Variants in TTC39B observed in about 807,000 individuals in gnomAD.
The protein encoded by TTC39B is tetratricopeptide repeat protein 39B.
TTC39B carries 92 observed loss-of-function variants against 96.6 expected under a neutral mutation model. The observed-to-expected ratio is 0.95, with a 90% CI of 0.80 to 1.13. TTC39B has a LOEUF of 1.13. TTC39B is among the 50% of genes most tolerant of loss of function. TTC39B has a pLI of 0.00. For missense variants in TTC39B, 955 were observed against 809.3 expected (o/e 1.18, Z -2.18); for synonymous variants, 367 against 299.4 (o/e 1.23, Z -2.33).
At chr9:15,193,700 C>A (rs1379598717) in intron 8 of TTC39B, among the ~76,000 whole-genome samples, 2 of 152,160 alleles carry the variant, frequency 1.3e-5, no homozygotes, top group Non-Finnish European at 2.9e-5. Flanking sequence ...CTTCTGATTT[C>A]TGATTTTATG....
exon 13 of TTC39B, chr9:15,189,628 T>C: frequency 6.2e-7 from 1 of 1,614,008 alleles, no homozygotes; most frequent in Non-Finnish European, 8.5e-7. Flanking sequence ...ACAACACGAG[T>C]GAGCCCTGCA....
chr9:15,260,012 T>TCC (rs1405193180), intron 2 of TTC39B, among the ~76,000 whole-genome samples: 7 of 152,180 alleles, frequency 4.6e-5, no homozygotes, highest in Non-Finnish European at 1.0e-4. Flanking sequence ...AGTTAGATTG[T>TCC]GGTGATGGCT....
intron 1 of TTC39B, among the ~76,000 whole-genome samples, chr9:15,273,451 T>C (rs1160596739): frequency 6.6e-6 from 1 of 151,996 alleles, no homozygotes; most frequent in Non-Finnish European, 1.5e-5. Flanking sequence ...TAGAACTCCG[T>C]TCCTCCCTCC....
chr9:15,206,230 T>C (rs993085678), intron 6 of TTC39B, among the ~76,000 whole-genome samples: 1 of 151,914 alleles, frequency 6.6e-6, no homozygotes, highest in African/African-American at 2.4e-5. Context: ...TGAAACCCAT[T>C]TGGGGCAATC....
At chr9:15,232,367 G>A (rs1002209925) in intron 2 of TTC39B, 1 of 152,454 alleles carries the variant, frequency 6.6e-6, no homozygotes, top group East Asian at 1.9e-4. Flanking sequence ...AACGGGAGGT[G>A]GGGGGGACGC....
At chr9:15,190,748 G>C in intron 10 of TTC39B, 86 bp from the exon 11 acceptor site, 1 of 1,058,338 alleles carries the variant, frequency 9.4e-7, no homozygotes, top group Non-Finnish European at 1.4e-6. Flanking sequence ...ATATATTAGG[G>C]GGGTTACAAG....
exon 20 of TTC39B, chr9:15,171,375 C>T (rs1160619580): frequency 6.6e-6 from 1 of 152,022 alleles, no homozygotes; most frequent in Non-Finnish European, 1.5e-5. Context: ...GACTTAAGTA[C>T]ATTCAAAATC....
At chr9:15,249,004 G>C (rs2131498555) in intron 2 of TTC39B, 1 of 152,168 alleles carries the variant, frequency 6.6e-6, no homozygotes, top group Middle Eastern at 3.4e-3. Flanking sequence ...GTAATTTTAA[G>C]ATAAAGGAAC....
chr9:15,163,763 G>C (rs1490886376), exon 20 of TTC39B: 1 of 152,146 alleles, frequency 6.6e-6, no homozygotes, highest in Non-Finnish European at 1.5e-5. Context: ...TGATACTACG[G>C]AATGAAAAAT....
At chr9:15,174,916 G>T (rs1817847102) in intron 19 of TTC39B, 103 bp downstream of exon 19, 1 of 753,376 alleles carries the variant, frequency 1.3e-6, no homozygotes, top group South Asian at 1.6e-5. Context: ...TTACTAATTT[G>T]ACATTGTTAA....
intron 16 of TTC39B, among the ~76,000 whole-genome samples, chr9:15,184,139 G>C (rs761387767): frequency 1.3e-5 from 2 of 152,116 alleles, no homozygotes; most frequent in African/African-American, 2.4e-5. Flanking sequence ...CACATGAAAA[G>C]ATGCTCCACC....
intron 6 of TTC39B, among the ~76,000 whole-genome samples, chr9:15,208,816 T>C (rs139811551): frequency 5.1e-4 from 77 of 152,272 alleles, no homozygotes; most frequent in African/African-American, 1.6e-3. Flanking sequence ...CTATAATCAA[T>C]ACTCTAGCTT....
In TTC39B at chr9:15,263,590, C is replaced by T. The variant is rs141687496; in HGVS notation, c.275+4324G>A. On this transcript the variant is annotated intron_variant, in intron 2 of 19. Coordinates refer to ENST00000512701, the Ensembl canonical transcript of TTC39B. ...TTTTTGTCATCACCAACAAGCTCTG[C>T]TTCGGAAACAACCCCCCTTACAATA... 1.1e-3 allele frequency among the ~76,000 whole-genome samples: 173 copies of T among 152,322 alleles called. 1 individual carries two copies. Among genetic ancestry groups the T allele is most frequent in the African/African-American group, 4.0e-3 (167 of 41,566 alleles).
chr9:15,216,318 G>C (rs980377572), intron 3 of TTC39B, among the ~76,000 whole-genome samples: 1 of 152,164 alleles, frequency 6.6e-6, no homozygotes, highest in Non-Finnish European at 1.5e-5. Context: ...ATGTTGAGTG[G>C]TAAATGGGTG....
exon 20 of TTC39B, chr9:15,167,019 TA>T (rs1564299932): frequency 2.8e-3 from 28 of 9,960 alleles, no homozygotes; most frequent in Admixed American, 3.4e-3. Context: ...TATATATATA[TA>T]TATATATATT....
chr9:15,290,327 A>G (rs1487198868), intron 1 of TTC39B, among the ~76,000 whole-genome samples: 1 of 152,184 alleles, frequency 6.6e-6, no homozygotes, highest in South Asian at 2.1e-4. Context: ...AAGCTTGGGA[A>G]CTGAGTCACA....
At chr9:15,219,816 T>C (rs867790608) in intron 3 of TTC39B, among the ~76,000 whole-genome samples, 1 of 152,196 alleles carries the variant, frequency 6.6e-6, no homozygotes, top group Non-Finnish European at 1.5e-5. Context: ...CTCTCAGCGA[T>C]GCAGTGAGCT....
intron 4 of TTC39B, 88 bp from the exon 5 acceptor site, chr9:15,211,485 ACAGTAACC>A: frequency 1.5e-5 from 18 of 1,188,754 alleles, no homozygotes; most frequent in Non-Finnish European, 1.9e-5. Flanking sequence ...CCTGACTTGC[ACAGTAACC>A]TTTATTCCTT....
chr9:15,227,090 C>T (rs1004419792), intron 2 of TTC39B, among the ~76,000 whole-genome samples: 1 of 151,752 alleles, frequency 6.6e-6, no homozygotes, highest in African/African-American at 2.4e-5. Flanking sequence ...GTGGATCACC[C>T]GAGGTCAGGA....
Sources: allele counts gnomAD v4.1 joint callset (sites outside exome capture counted in the v4.1 genomes callset), GRCh38; gene constraint gnomAD v4.1.1; transcripts MANE v1.5; gene names NCBI Gene and HGNC (gene_info 2026-07-23, HGNC 2026-07-21).